The following SEPTIN6 variants were observed in gnomAD, a reference collection of about 807,000 sequenced individuals.
The protein encoded by SEPTIN6 is septin 6, also known as septin-6.
SEPTIN6 carries 8 observed loss-of-function variants against 33.6 expected under a neutral mutation model. The observed-to-expected ratio is 0.24, with a 90% CI of 0.14 to 0.43. The LOEUF is 0.43. Ranked by LOEUF, SEPTIN6 falls within the 20% of genes least tolerant of loss-of-function variation. The probability of loss-of-function intolerance (pLI) is 1.00; values close to 1 mark genes in which losing one functional copy is unlikely to be tolerated. For synonymous variants in SEPTIN6, 131 were observed against 140.0 expected, an observed-to-expected ratio of 0.94 and a Z score of 0.45; for missense variants, 250 against 340.8, an observed-to-expected ratio of 0.73 and a Z score of 2.10.
At chrX:119,629,212 T>G in intron 9 of SEPTIN6, 106 bp downstream of exon 9, 1 of 764,728 alleles carries the variant, frequency 1.3e-6, no homozygotes, top group Non-Finnish European at 1.9e-6. Flanking sequence ...AGCCCACAGC[T>G]CACCTCTGGT....
At chrX:119,639,202 G>A (rs765118183) in intron 6 of SEPTIN6, among the ~76,000 whole-genome samples, 23 of 112,063 alleles carry the variant, frequency 2.1e-4, no homozygotes, top group Non-Finnish European at 3.8e-4. Flanking sequence ...GCCAGCCTTC[G>A]TATGTGATGT....
At chrX:119,615,841 A>G (rs1455763476), downstream of SEPTIN6, 2 of 161,463 alleles carry the variant, frequency 1.2e-5, no homozygotes, top group African/African-American at 6.0e-5. Context: ...AGGGGCAATG[A>G]CTGGTCACAC....
At chrX:119,668,333 ACAGAG>A (rs2054683555) in intron 2 of SEPTIN6, among the ~76,000 whole-genome samples, 11 of 55,504 alleles carry the variant, frequency 2.0e-4, no homozygotes, top group East Asian at 8.7e-4. Flanking sequence ...AGAGAGAGAG[ACAGAG>A]AGAGAGACAG....
chrX:119,655,273 G>C (rs891820287), intron 3 of SEPTIN6, among the ~76,000 whole-genome samples: 1 of 109,714 alleles, frequency 9.1e-6, no homozygotes, highest in Non-Finnish European at 1.9e-5. Flanking sequence ...GCTTATCTTC[G>C]TCTTATTCAT....
intron 5 of SEPTIN6, among the ~76,000 whole-genome samples, chrX:119,645,479 C>A (rs1174758451): frequency 9.1e-6 from 1 of 109,835 alleles, no homozygotes; most frequent in Non-Finnish European, 1.9e-5. Context: ...CTCACCACAA[C>A]CTCCGTCTCC....
chrX:119,678,528 A>T lies in SEPTIN6; in HGVS notation c.31-2860T>A, dbSNP rs111887418. On this transcript the variant is annotated intron_variant, in intron 1 of 10. Transcript: ENST00000394610. ...AGCGAGACTCCGTCTCAAAAAAAAA[A>T]AAATAAATAAAGACAGCTGAGCCTC... is the stretch of plus-strand genomic sequence containing the variant. 8.7e-3 allele frequency among the ~76,000 whole-genome samples: 953 copies of T among 110,040 alleles called. 13 individuals are homozygous for T. Among genetic ancestry groups the T allele is most frequent in the African/African-American group, 0.027 (831 of 30,374 alleles).
At position 119,617,274 on chromosome X, in the gene SEPTIN6, A is replaced by G; in HGVS notation, c.*2819T>C. 1 of 804,703 alleles carries G rather than the reference A, an allele frequency of 1.2e-6. No individual in the cohort carries two copies. The highest frequency in any genetic ancestry group is 6.9e-5 in the East Asian group (1 of 14,422). 66.3% of individuals were successfully genotyped at this position (804,703 alleles called of 1,213,427 possible). A position where few individuals can be genotyped will look rare whatever the true frequency, so the allele number is the denominator to read the frequency against. ...TTTTTTAAATAGTAACAGTTGTACT[A>G]ATTTAAAAGCCTTTTCATTGAAGAA... On this transcript the variant is annotated 3_prime_UTR_variant, in exon 11 of 11. Transcript: ENST00000394610.
chrX:119,632,349 C>G (rs1387614821), intron 8 of SEPTIN6, among the ~76,000 whole-genome samples: 2 of 110,166 alleles, frequency 1.8e-5, no homozygotes, highest in Non-Finnish European at 3.8e-5. Flanking sequence ...GCGCCCGCCA[C>G]CACGCCCGGC....
intron 3 of SEPTIN6, among the ~76,000 whole-genome samples, chrX:119,655,570 C>A (rs1023944672): frequency 3.6e-5 from 4 of 111,592 alleles, no homozygotes; most frequent in African/African-American, 1.3e-4. Context: ...TTCTTCATCT[C>A]CACACCCAAG....
At chrX:119,621,800 TAA>T (rs66515149) in intron 10 of SEPTIN6, among the ~76,000 whole-genome samples, 3,476 of 87,320 alleles carry the variant, frequency 0.04, 70 homozygotes, top group Non-Finnish European at 0.049. Context: ...CCAACTCTCT[TAA>T]AAAAAAAAAA....
chrX:119,635,163 G>T, intron 7 of SEPTIN6: 1 of 341,983 alleles, frequency 2.9e-6, no homozygotes, highest in South Asian at 2.6e-5. Flanking sequence ...GGGCAACCAG[G>T]TGGATGGTGG....
intron 10 of SEPTIN6, among the ~76,000 whole-genome samples, chrX:119,621,828 AG>A (rs1280488042): frequency 1.9e-5 from 2 of 105,922 alleles, no homozygotes; most frequent in Non-Finnish European, 3.9e-5. Flanking sequence ...ATAGAGAGAT[AG>A]GGTTTCACCA....
chrX:119,636,931 G>T, intron 7 of SEPTIN6, 96 bp downstream of exon 7: 1 of 1,018,786 alleles, frequency 9.8e-7, no homozygotes, highest in African/African-American at 1.9e-5. Flanking sequence ...CCCGTGTCTC[G>T]CCTCCCCTGT....
intron 1 of SEPTIN6, among the ~76,000 whole-genome samples, chrX:119,692,863 C>T (rs923185904): frequency 9.0e-6 from 1 of 111,672 alleles, no homozygotes; most frequent in Non-Finnish European, 1.9e-5. Context: ...TTTTGCCTGC[C>T]CCCCTGCCGC....
At chrX:119,673,570 A>G (rs2054785074) in intron 2 of SEPTIN6, among the ~76,000 whole-genome samples, 1 of 111,050 alleles carries the variant, frequency 9.0e-6, no homozygotes, top group South Asian at 3.8e-4. Context: ...CCTTAGTGAG[A>G]AAACAGAATT....
chrX:119,629,123 C>G lies in SEPTIN6; in HGVS notation c.1280+195G>C, dbSNP rs768492213. On this transcript the variant is annotated intron_variant, in intron 9 of 10. Transcript: ENST00000394610. ...TCTGGGACCACACCCCTCTGCTACTCTCAACTCCCCAAGCTCAGGGAATCC... is the reference window on the plus strand; with the variant it reads ...TCTGGGACCACACCCCTCTGCTACTGTCAACTCCCCAAGCTCAGGGAATCC... 5 of 424,626 alleles carry G rather than the reference C, an allele frequency of 1.2e-5. No individual in the cohort carries two copies. The South Asian group carries it at 1.2e-4, about 10-fold the overall frequency. 35.0% of individuals were successfully genotyped at this position (424,626 alleles called of 1,213,427 possible).
intron 6 of SEPTIN6, 50 bp from the exon 7 acceptor site, chrX:119,637,245 CAGA>C: frequency 8.9e-7 from 1 of 1,118,402 alleles, no homozygotes; most frequent in African/African-American, 1.8e-5. Context: ...GGAAGGCCAG[CAGA>C]AGCAGAAATG....
rs111984918 is a variant in SEPTIN6, at chrX:119,681,437, T to G, written c.31-5769A>C. ...ATATTACCATACTGAAGGCCTGAACTGAGATGCTGGAATGGCCAAAGTCAC... is the reference window on the plus strand; with the variant it reads ...ATATTACCATACTGAAGGCCTGAACGGAGATGCTGGAATGGCCAAAGTCAC... On this transcript the variant is annotated intron_variant, in intron 1 of 10. Coordinates refer to ENST00000394610, the MANE Select transcript of SEPTIN6 (RefSeq NM_145799.4). Among the ~76,000 whole-genome samples the G allele has an allele frequency of 3.7e-3, 416 of 111,323 alleles. 4 individuals are homozygous for G. The highest frequency in any genetic ancestry group is 0.012 in the African/African-American group (366 of 30,670).
chrX:119,658,023 C>T (rs995228810), intron 3 of SEPTIN6, among the ~76,000 whole-genome samples: 5 of 110,854 alleles, frequency 4.5e-5, no homozygotes, highest in East Asian at 2.9e-4. Flanking sequence ...GCTACTCGGG[C>T]GGCTGAGGCA....
Sources: gnomAD v4.1 joint callset for allele counts (sites outside exome capture counted in the v4.1 genomes callset) on GRCh38, gnomAD v4.1.1 for gene constraint, MANE v1.5 for transcripts, NCBI Gene and HGNC (gene_info 2026-07-23, HGNC 2026-07-21) for gene names.